GALNTL6: variants seen among roughly 807,000 people sequenced by gnomAD.
The protein encoded by GALNTL6 is polypeptide N-acetylgalactosaminyltransferase-like 6.
GALNTL6 carries 46 observed loss-of-function variants against 73.7 expected under a neutral mutation model. That is an observed-to-expected ratio of 0.62 (90% CI 0.49 to 0.80). GALNTL6 has a LOEUF of 0.80. Among genes scored for constraint, GALNTL6 ranks in the 30% least tolerant of loss-of-function variants. The probability of loss-of-function intolerance (pLI) is 0.00; values close to 1 mark genes in which losing one functional copy is unlikely to be tolerated. For synonymous variants in GALNTL6, 259 were observed against 263.7 expected (o/e 0.98, Z 0.17); for missense variants, 604 against 755.0 (o/e 0.80, Z 2.34).
chr4:172,802,265 C>A (rs899341937), intron 5 of GALNTL6, among the ~76,000 whole-genome samples: 2 of 152,116 alleles, frequency 1.3e-5, no homozygotes, highest in Admixed American at 6.5e-5. Flanking sequence ...AATATTAAAG[C>A]TGAAAGAGCC....
At chr4:172,509,532 G>A (rs1241057173) in intron 5 of GALNTL6, among the ~76,000 whole-genome samples, 2 of 55,114 alleles carry the variant, frequency 3.6e-5, no homozygotes, top group Admixed American at 5.1e-4. Flanking sequence ...CTAAGCCAAT[G>A]TCTCAAAGCA....
intron 7 of GALNTL6, among the ~76,000 whole-genome samples, chr4:172,838,033 C>T (rs1743005381): frequency 6.6e-6 from 1 of 151,960 alleles, no homozygotes; most frequent in African/African-American, 2.4e-5. Flanking sequence ...AAAGGAATGC[C>T]TCCAAAACAG....
At chr4:171,871,739 T>A (rs1454062664) in intron 2 of GALNTL6, among the ~76,000 whole-genome samples, 1 of 152,214 alleles carries the variant, frequency 6.6e-6, no homozygotes, top group Admixed American at 6.5e-5. Flanking sequence ...TTAACTCAGA[T>A]CACTCAAATA....
Position 172,658,771 on chromosome 4 carries a change from G to T in GALNTL6, c.554-150590G>T, listed in dbSNP as rs552929548. The stretch of plus-strand genomic sequence containing the variant: ...ATTTAAAGTTCTGAAAATCATGTTG[G>T]TAATGACAGACACACTGATGGTGAC... On this transcript the variant is annotated intron_variant, in intron 5 of 12. Transcript: ENST00000506823. Among the ~76,000 whole-genome samples the T allele has an allele frequency of 5.3e-5, 8 of 152,252 alleles. No homozygotes were observed. The South Asian group carries it at 1.7e-3, about 32-fold the overall frequency.
rs575783763 is a variant in GALNTL6, at chr4:172,921,089, A to G, written c.1042-10072A>G. On this transcript the variant is annotated intron_variant, in intron 8 of 12. Coordinates refer to ENST00000506823, the MANE Select transcript of GALNTL6 (RefSeq NM_001034845.3). The stretch of plus-strand genomic sequence containing the variant: ...CCAGGCAGAAGAAACCGCCAAGATA[A>G]TGCCCGAGGGTGACAGAGTATCTGG... Among the ~76,000 whole-genome samples, 3 of 152,304 alleles carry G rather than the reference A, an allele frequency of 2.0e-5. No individual in the cohort carries two copies. The East Asian group carries it at 5.8e-4, about 29-fold the overall frequency.
At chr4:172,469,643 T>C (rs1056875355) in intron 5 of GALNTL6, among the ~76,000 whole-genome samples, 5 of 152,080 alleles carry the variant, frequency 3.3e-5, no homozygotes, top group African/African-American at 1.2e-4. Flanking sequence ...AAAAATAAGA[T>C]AAAAGAAATG....
chr4:172,967,594 G>A lies in GALNTL6; in HGVS notation c.1371+15336G>A, dbSNP rs530967898. Reference sequence around the variant, plus strand: ...CACTTTTGCCCAACTATATTATGAAGTCCCAACTATAATATTAGGGGACTT... The same window carrying A: ...CACTTTTGCCCAACTATATTATGAAATCCCAACTATAATATTAGGGGACTT... On this transcript the variant is annotated intron_variant, in intron 10 of 12. Coordinates refer to ENST00000506823, the MANE Select transcript of GALNTL6 (RefSeq NM_001034845.3). Among the ~76,000 whole-genome samples the A allele has an allele frequency of 7.5e-4, 113 of 151,606 alleles. 1 individual carries two copies. Among genetic ancestry groups the A allele is most frequent in the Admixed American group, 4.7e-3 (71 of 15,238 alleles).
chr4:172,588,201 G>A (rs1159320537), intron 5 of GALNTL6, among the ~76,000 whole-genome samples: 3 of 152,114 alleles, frequency 2.0e-5, no homozygotes, highest in Admixed American at 6.6e-5. Context: ...GGAAGTTTAT[G>A]TGTATTGTAG....
intron 8 of GALNTL6, among the ~76,000 whole-genome samples, chr4:172,886,404 TTTTA>T (rs147342610): frequency 0.12 from 17,664 of 152,210 alleles, 1,265 homozygotes; most frequent in Non-Finnish European, 0.16. Flanking sequence ...TCATTTCTGA[TTTTA>T]TTTATTTGAG....
chr4:172,643,893 C>T (rs145987009), intron 5 of GALNTL6, among the ~76,000 whole-genome samples: 2 of 151,794 alleles, frequency 1.3e-5, no homozygotes, highest in Non-Finnish European at 2.9e-5. Context: ...ATGAACATTT[C>T]TCTTGAGTAT....
intron 5 of GALNTL6, among the ~76,000 whole-genome samples, chr4:172,793,017 C>T (rs896166157): frequency 2.0e-5 from 3 of 152,112 alleles, no homozygotes; most frequent in South Asian, 2.1e-4. Flanking sequence ...GAGACATTAT[C>T]GCCCCATGTG....
rs376254720 is a variant in GALNTL6 at position 172,925,016 on chromosome 4, T to C, written c.1042-6145T>C. 2.4e-3 allele frequency among the ~76,000 whole-genome samples: 359 copies of C among 152,012 alleles called. 2 individuals are homozygous for C. The highest frequency in any genetic ancestry group is 0.011 in the East Asian group (58 of 5,154). ...CCTCCCGAGTACCTGGGACTACAGG[T>C]GCCTGCCACCACGCCCGGCTAATTT... On this transcript the variant is annotated intron_variant, in intron 8 of 12. Coordinates refer to ENST00000506823, the MANE Select transcript of GALNTL6 (RefSeq NM_001034845.3).
chr4:172,221,707 A>G (rs552319876), intron 2 of GALNTL6, among the ~76,000 whole-genome samples: 74 of 151,906 alleles, frequency 4.9e-4, no homozygotes, highest in African/African-American at 1.8e-3. Context: ...GCAGGGATAC[A>G]GAGGACTTTC....
At chr4:172,536,911 A>G (rs1457199935) in intron 5 of GALNTL6, among the ~76,000 whole-genome samples, 1 of 152,186 alleles carries the variant, frequency 6.6e-6, no homozygotes, top group Non-Finnish European at 1.5e-5. Context: ...ACATGGAGTC[A>G]AAGGAGATCA....
intron 2 of GALNTL6, among the ~76,000 whole-genome samples, chr4:172,116,398 T>C (rs1260144056): frequency 6.6e-6 from 1 of 152,116 alleles, no homozygotes; most frequent in Non-Finnish European, 1.5e-5. Context: ...TGTGTGAAAA[T>C]CTGAGATTTT....
intron 3 of GALNTL6, among the ~76,000 whole-genome samples, chr4:172,247,736 C>T (rs111426539): frequency 1.1e-3 from 160 of 152,150 alleles, no homozygotes; most frequent in Non-Finnish European, 2.0e-3. Flanking sequence ...ACCCTCCACC[C>T]CACCCCAGTA....
At chr4:172,014,243 G>C (rs1003969553) in intron 2 of GALNTL6, among the ~76,000 whole-genome samples, 1 of 151,942 alleles carries the variant, frequency 6.6e-6, no homozygotes, top group Admixed American at 6.6e-5. Context: ...GGTGAGCAGT[G>C]AGATTGCTGG....
chr4:172,542,819 G>A (rs186583419), intron 5 of GALNTL6, among the ~76,000 whole-genome samples: 82 of 152,144 alleles, frequency 5.4e-4, no homozygotes, highest in African/African-American at 1.7e-3. Context: ...CTGGCCGGGC[G>A]CAGTGGCTCA....
intron 5 of GALNTL6, among the ~76,000 whole-genome samples, chr4:172,356,842 A>G (rs570506683): frequency 6.6e-6 from 1 of 152,294 alleles, no homozygotes; most frequent in African/African-American, 2.4e-5. Context: ...TACAGTTTTC[A>G]CAGTTAGGTA....
Sources: allele counts gnomAD v4.1 joint callset (sites outside exome capture counted in the v4.1 genomes callset), GRCh38; gene constraint gnomAD v4.1.1; transcripts MANE v1.5; gene names NCBI Gene and HGNC (gene_info 2026-07-23, HGNC 2026-07-21).